Variants in ASAH2 observed in about 807,000 individuals in gnomAD.
The protein encoded by ASAH2 is N-acylsphingosine amidohydrolase 2.
In ASAH2, 58 loss-of-function variants were observed where a neutral mutation model predicts 82.9. The observed-to-expected ratio is 0.70, with a 90% CI of 0.57 to 0.87. The LOEUF is 0.87. Ranked by LOEUF, ASAH2 falls within the 40% of genes least tolerant of loss-of-function variation. The probability of loss-of-function intolerance (pLI) is 0.00; values close to 1 mark genes in which losing one functional copy is unlikely to be tolerated. For synonymous variants in ASAH2, 276 were observed against 289.7 expected (o/e 0.95, Z 0.48); for missense variants, 779 against 834.0 (o/e 0.93, Z 0.81).
intron 8 of ASAH2, among the ~76,000 whole-genome samples, chr10:50,217,688 T>G (rs1041872903): frequency 6.6e-6 from 1 of 152,184 alleles, no homozygotes; most frequent in African/African-American, 2.4e-5. Flanking sequence ...CTTTATAAAT[T>G]ACCCAGTCTC....
intron 17 of ASAH2, 32 bp downstream of exon 17, chr10:50,199,019 C>T (rs1564833664): frequency 5.6e-6 from 9 of 1,602,736 alleles, no homozygotes; most frequent in Non-Finnish European, 7.7e-6. Context: ...CACACGCACG[C>T]GCGCATGCAC....
chr10:50,236,432 C>A (rs927658873), intron 4 of ASAH2, among the ~76,000 whole-genome samples: 3 of 151,976 alleles, frequency 2.0e-5, no homozygotes, highest in Non-Finnish European at 4.4e-5. Context: ...ATGGGGGTAC[C>A]CACCCTCATG....
rs943590406 is a variant in ASAH2 at position 50,235,581 on chromosome 10, G to A, written c.687+307C>T. 7.8e-4 allele frequency among the ~76,000 whole-genome samples: 118 copies of A among 152,146 alleles called. 4 individuals carry two copies. The South Asian group carries it at 0.02, about 25-fold the overall frequency. ...TGGGTTTCTCTTTGTGTGACTTTGT[G>A]CAAAGAACAGGCCATGTAGTGCCCT... On this transcript the variant is annotated intron_variant, in intron 5 of 20. Coordinates refer to ENST00000682911, the MANE Select transcript of ASAH2 (RefSeq NM_019893.4).
intron 5 of ASAH2, 73 bp downstream of exon 5, chr10:50,235,815 A>T (rs987682101): frequency 1.6e-5 from 25 of 1,517,846 alleles, no homozygotes; most frequent in Non-Finnish European, 4.6e-6. Flanking sequence ...GATTCTTTAT[A>T]TCACATCCAA....
chr10:50,247,935 G>C (rs1322391657), intron 2 of ASAH2, among the ~76,000 whole-genome samples: 1 of 152,188 alleles, frequency 6.6e-6, no homozygotes, highest in Non-Finnish European at 1.5e-5. Context: ...ACAAACAGCT[G>C]CCACCTGGGA....
chr10:50,234,079 A>G (rs1013853768), intron 6 of ASAH2, among the ~76,000 whole-genome samples: 5 of 152,084 alleles, frequency 3.3e-5, no homozygotes, highest in Non-Finnish European at 7.4e-5. Context: ...AAGCTGAGAG[A>G]CAATAAATTA....
intron 13 of ASAH2, among the ~76,000 whole-genome samples, chr10:50,205,304 G>T (rs1046585464): frequency 6.6e-6 from 1 of 151,712 alleles, no homozygotes; most frequent in Non-Finnish European, 1.5e-5. Context: ...TATTATAATC[G>T]CACTTTAAGT....
chr10:50,200,817 A>T (rs1479441001), intron 16 of ASAH2, among the ~76,000 whole-genome samples: 4 of 152,100 alleles, frequency 2.6e-5, no homozygotes, highest in Non-Finnish European at 1.5e-5. Flanking sequence ...TGGACAGGAG[A>T]CAGGAAAATA....
intron 4 of ASAH2, chr10:50,240,474 C>T: frequency 1.4e-6 from 1 of 702,212 alleles, no homozygotes. Context: ...TCAAACATCC[C>T]TACCTGCTTA....
At chr10:50,228,388 C>T (rs1845942123) in intron 7 of ASAH2, among the ~76,000 whole-genome samples, 1 of 151,822 alleles carries the variant, frequency 6.6e-6, no homozygotes, top group African/African-American at 2.4e-5. Flanking sequence ...ATACAGAAAA[C>T]CATAGAGAAT....
In ASAH2 at chr10:50,213,190, C is replaced by CAA. The variant is rs1845507212; in HGVS notation, c.1141-134_1141-133dup. 3.6e-6 allele frequency: 3 copies of CAA among 837,192 alleles called. No homozygotes were observed. The African/African-American group carries it at 5.0e-5, about 14-fold the overall frequency. 51.9% of individuals were successfully genotyped at this position (837,192 alleles called of 1,614,324 possible). The stretch of plus-strand genomic sequence containing the variant: ...TTGCATTTCTTTTCAGGTAGTCTCT[C>CAA]AAAGTACAAACTATAAAAACAAAAT... On this transcript the variant is annotated intron_variant, in intron 9 of 20. Coordinates refer to ENST00000682911, the MANE Select transcript of ASAH2 (RefSeq NM_019893.4).
intron 4 of ASAH2, 35 bp from the exon 5 acceptor site, chr10:50,236,099 G>A (rs1846153387): frequency 6.3e-7 from 1 of 1,583,056 alleles, no homozygotes; most frequent in Non-Finnish European, 8.7e-7. Flanking sequence ...TAAGAAGAGG[G>A]ATAACATAGG....
At chr10:50,223,162 C>G (rs879205116) in intron 7 of ASAH2, among the ~76,000 whole-genome samples, 114,866 of 152,132 alleles carry the variant, frequency 0.76, 45,600 homozygotes, top group Non-Finnish European at 0.88. Context: ...TAGATTTCAA[C>G]TATTATAGAA....
chr10:50,222,640 G>T (rs1450501937), intron 7 of ASAH2, among the ~76,000 whole-genome samples: 1 of 151,846 alleles, frequency 6.6e-6, no homozygotes, highest in African/African-American at 2.4e-5. Flanking sequence ...TTTTTCTCTA[G>T]AAAATTAAAA....
intron 1 of ASAH2, among the ~76,000 whole-genome samples, chr10:50,250,999 G>A (rs1846599751): frequency 6.6e-6 from 1 of 152,148 alleles, no homozygotes; most frequent in Non-Finnish European, 1.5e-5. Context: ...ACTTGGGTTA[G>A]CACTATTTAT....
intron 7 of ASAH2, among the ~76,000 whole-genome samples, chr10:50,223,247 A>T (rs1409430466): frequency 6.6e-6 from 1 of 152,178 alleles, no homozygotes; most frequent in Non-Finnish European, 1.5e-5. Flanking sequence ...TTGGAGAAAA[A>T]GATCTCTAGT....
At chr10:50,224,578 C>T (rs1845833132) in intron 7 of ASAH2, among the ~76,000 whole-genome samples, 1 of 151,926 alleles carries the variant, frequency 6.6e-6, no homozygotes, top group Non-Finnish European at 1.5e-5. Context: ...ATTTCCCAGT[C>T]TCATTTGCAA....
intron 14 of ASAH2, 60 bp from the exon 15 acceptor site, chr10:50,203,739 A>C (rs1298843479): frequency 4.7e-6 from 7 of 1,502,584 alleles, no homozygotes; most frequent in South Asian, 1.1e-5. Context: ...GAGTACACAG[A>C]AACACTGGCA....
intron 7 of ASAH2, among the ~76,000 whole-genome samples, chr10:50,228,458 CAA>C (rs1272100289): frequency 6.6e-6 from 1 of 151,996 alleles, no homozygotes; most frequent in Non-Finnish European, 1.5e-5. Context: ...CAATTAAAAA[CAA>C]AACAGTTTTA....
Sources: allele counts gnomAD v4.1 joint callset (sites outside exome capture counted in the v4.1 genomes callset), GRCh38; gene constraint gnomAD v4.1.1; transcripts MANE v1.5; gene names NCBI Gene and HGNC (gene_info 2026-07-23, HGNC 2026-07-21).